DNAI4: variants seen among roughly 807,000 people sequenced by gnomAD.
The protein encoded by DNAI4 is WD repeat domain 78.
Under a neutral mutation model 105.8 loss-of-function variants are expected in DNAI4, and 85 were observed. That is an observed-to-expected ratio of 0.80 (90% CI 0.67 to 0.96). The LOEUF is 0.96. DNAI4 is among the 40% of genes least tolerant of loss of function. DNAI4 has a pLI of 0.00. For synonymous variants in DNAI4, 352 were observed against 331.5 expected, an observed-to-expected ratio of 1.06 and a Z score of -0.67; for missense variants, 1,014 against 1,005.6, an observed-to-expected ratio of 1.01 and a Z score of -0.11.
chr1:66,891,359 T>A (rs1647629391), intron 3 of DNAI4, 93 bp from the exon 4 acceptor site: 1 of 821,882 alleles, frequency 1.2e-6, no homozygotes, highest in South Asian at 1.6e-5. Context: ...GATGGAGAAA[T>A]CAAATATACT....
intron 16 of DNAI4, among the ~76,000 whole-genome samples, chr1:66,820,418 G>A (rs1257146502): frequency 6.6e-6 from 1 of 152,008 alleles, no homozygotes; most frequent in African/African-American, 2.4e-5. Context: ...ACTACTATAA[G>A]CCAGACACTA....
intron 8 of DNAI4, among the ~76,000 whole-genome samples, chr1:66,843,587 T>G (rs1380008039): frequency 6.6e-6 from 1 of 152,208 alleles, no homozygotes; most frequent in East Asian, 1.9e-4. Context: ...CATTTGGTGT[T>G]GTATTTTAAA....
In DNAI4 at chr1:66,833,627, T is replaced by C. The variant is rs764730610; in HGVS notation, c.1971A>G (p.Ile657Met). The C allele has an allele frequency of 3.7e-6, 6 of 1,613,344 alleles. No individual in the cohort carries two copies. The highest frequency in any genetic ancestry group is 1.3e-5 in the African/African-American group (1 of 74,902). Residue 657 changes from isoleucine to methionine, a missense_variant, in exon 13 of 17, where the codon ATA (isoleucine) becomes ATG (methionine). Coordinates refer to ENST00000371026, the MANE Select transcript of DNAI4 (RefSeq NM_024763.5). Reference sequence around the variant, plus strand: ...AACACATTCCAGGAGCCTGTCGAGATATCAAAGCTTCATCTTTCTTTTCCT... The same window carrying C: ...AACACATTCCAGGAGCCTGTCGAGACATCAAAGCTTCATCTTTCTTTTCCT... ...GEKEKKDEALISRQAPGMCFA... is the reference protein window; with the variant it reads ...GEKEKKDEALMSRQAPGMCFA...
intron 13 of DNAI4, among the ~76,000 whole-genome samples, chr1:66,833,101 CATCT>C (rs950129124): frequency 6.6e-6 from 1 of 152,100 alleles, no homozygotes; most frequent in Non-Finnish European, 1.5e-5. Context: ...ATATACCTCT[CATCT>C]ATCTATCTGC....
intron 6 of DNAI4, among the ~76,000 whole-genome samples, chr1:66,866,316 AGAAAAAAAAAAG>A (rs1646732480): frequency 6.6e-6 from 1 of 152,054 alleles, no homozygotes; most frequent in Non-Finnish European, 1.5e-5. Context: ...CAAAAAAAAA[AGAAAAAAAAAAG>A]AATGGTAAAT....
intron 1 of DNAI4, among the ~76,000 whole-genome samples, chr1:66,924,002 G>A (rs1176085843): frequency 1.3e-5 from 2 of 152,162 alleles, no homozygotes; most frequent in Non-Finnish European, 1.5e-5. Context: ...CTACTACAGA[G>A]CACAGCAATG....
At chr1:66,842,014 A>G (rs1206555550) in intron 8 of DNAI4, among the ~76,000 whole-genome samples, 1 of 152,198 alleles carries the variant, frequency 6.6e-6, no homozygotes, top group Admixed American at 6.5e-5. Flanking sequence ...CGTCCCTGGA[A>G]ACTACTGACT....
Position 66,840,509 on chromosome 1 carries a change from C to G in DNAI4, c.1454G>C (p.Gly485Ala). Residue 485 changes from glycine to alanine, a missense_variant, in exon 9 of 17, where the codon GGC (glycine) becomes GCC (alanine). Physicochemically the swap from Gly to Ala is moderately conservative, Grantham distance 60. Transcript: ENST00000371026. ...LWSFSCDLTK[G>A]LNVSSLAWNK... The stretch of plus-strand genomic sequence containing the variant: ...CCAGGCAAGGCTGCTCACATTGAGG[C>G]CTTTGGTTAAGTCACAGGAAAAAGA... 7 of 1,614,142 alleles carry G rather than the reference C, an allele frequency of 4.3e-6. No individual in the cohort carries two copies. Among genetic ancestry groups the G allele is most frequent in the Non-Finnish European group, 5.9e-6 (7 of 1,180,036 alleles).
At chr1:66,916,012 C>G (rs72924194) in intron 1 of DNAI4, among the ~76,000 whole-genome samples, 3,450 of 148,312 alleles carry the variant, frequency 0.023, 130 homozygotes, top group African/African-American at 0.083. Context: ...ATCCATCTAC[C>G]TGGGAGACTG....
chr1:66,893,077 G>GAAAGA (rs1647941475), intron 3 of DNAI4, 152 bp downstream of exon 3: 3 of 367,572 alleles, frequency 8.2e-6, no homozygotes, highest in Admixed American at 4.7e-5. Flanking sequence ...AAGAAAGAAA[G>GAAAGA]AAAGAAAGAA....
At chr1:66,851,406 A>G (rs1488685524) in intron 7 of DNAI4, among the ~76,000 whole-genome samples, 2 of 151,978 alleles carry the variant, frequency 1.3e-5, no homozygotes, top group Admixed American at 1.3e-4. Flanking sequence ...AGAGACAGAA[A>G]ATCAGCAAGG....
rs187140079 is a variant in DNAI4 at position 66,835,722 on chromosome 1, A to G, written c.1637T>C (p.Ile546Thr). Residue 546 changes from isoleucine (I) to threonine (T), a missense_variant, in exon 11 of 17, where the codon ATT (isoleucine) becomes ACT (threonine). Coordinates refer to ENST00000371026, the MANE Select transcript of DNAI4 (RefSeq NM_024763.5). The stretch of plus-strand genomic sequence containing the variant: ...AACGGCTAAAAGGTTAGGTGCTCCA[A>G]TTGAAAAATCCACAGCAGTAACTCC... ...PYGVTAVDFSIGAPNLLAVGY... is the reference protein window; with the variant it reads ...PYGVTAVDFSTGAPNLLAVGY... 114 of 1,614,158 alleles carry G rather than the reference A, an allele frequency of 7.1e-5. No homozygotes were observed. The highest frequency in any genetic ancestry group is 5.8e-4 in the East Asian group (26 of 44,864).
At chr1:66,894,161 A>G (rs1475083465) in intron 2 of DNAI4, among the ~76,000 whole-genome samples, 2 of 152,192 alleles carry the variant, frequency 1.3e-5, no homozygotes, top group African/African-American at 2.4e-5. Flanking sequence ...AGCCTCGGGC[A>G]GGTCCTTTAG....
At chr1:66,889,014 G>A (rs569999573) in intron 4 of DNAI4, among the ~76,000 whole-genome samples, 45 of 152,262 alleles carry the variant, frequency 3.0e-4, no homozygotes, top group African/African-American at 1.1e-3. Flanking sequence ...AGAGAAAGCT[G>A]GGGGAGGTTA....
At chr1:66,823,156 G>C (rs1572589554) in intron 15 of DNAI4, among the ~76,000 whole-genome samples, 1 of 134,810 alleles carries the variant, frequency 7.4e-6, no homozygotes, top group African/African-American at 2.6e-5. Context: ...ACAATATGCG[G>C]TGTTTGGTTT....
chr1:66,909,004 T>C (rs1175387043), intron 1 of DNAI4, among the ~76,000 whole-genome samples: 1 of 152,162 alleles, frequency 6.6e-6, no homozygotes, highest in Admixed American at 6.6e-5. Flanking sequence ...GAATTCTCTA[T>C]TATTGCAGTT....
At chr1:66,884,342 T>C (rs780066302) in intron 4 of DNAI4, among the ~76,000 whole-genome samples, 1 of 152,178 alleles carries the variant, frequency 6.6e-6, no homozygotes, top group Non-Finnish European at 1.5e-5. Flanking sequence ...TACCCAGAAG[T>C]AGGATTGCTG....
chr1:66,829,808 A>C (rs548111895), intron 13 of DNAI4, among the ~76,000 whole-genome samples: 1 of 152,346 alleles, frequency 6.6e-6, no homozygotes, highest in East Asian at 1.9e-4. Context: ...TATAGACCAC[A>C]TACTGGGCTT....
intron 13 of DNAI4, among the ~76,000 whole-genome samples, chr1:66,830,603 C>T (rs896159858): frequency 6.6e-6 from 1 of 151,790 alleles, no homozygotes; most frequent in Non-Finnish European, 1.5e-5. Context: ...ATGGTGAAAC[C>T]CTGTCCCTAC....
Sources: gnomAD v4.1 joint callset for allele counts (sites outside exome capture counted in the v4.1 genomes callset) on GRCh38, gnomAD v4.1.1 for gene constraint, MANE v1.5 for transcripts, NCBI Gene and HGNC (gene_info 2026-07-23, HGNC 2026-07-21) for gene names.